PDE1C: variants seen among roughly 807,000 people sequenced by gnomAD.
The protein encoded by PDE1C is dual specificity calcium/calmodulin-dependent 3',5'-cyclic nucleotide phosphodiesterase 1C.
Under a neutral mutation model 93.1 loss-of-function variants are expected in PDE1C, and 62 were observed. The observed-to-expected ratio is 0.67, with a 90% CI of 0.54 to 0.82. The LOEUF (loss-of-function observed/expected upper bound fraction) is 0.82. Ranked by LOEUF, PDE1C falls within the 40% of genes least tolerant of loss-of-function variation. The probability of loss-of-function intolerance (pLI) is 0.00; values close to 1 mark genes in which losing one functional copy is unlikely to be tolerated. For synonymous variants in PDE1C, 325 were observed against 310.1 expected (o/e 1.05, Z -0.50); for missense variants, 742 against 884.6 (o/e 0.84, Z 2.04).
chr7:32,320,903 T>C (rs1233655610), intron 1 of PDE1C, among the ~76,000 whole-genome samples: 1 of 152,186 alleles, frequency 6.6e-6, no homozygotes, highest in Admixed American at 6.5e-5. Flanking sequence ...GTATGTGTCA[T>C]AATCCCCGTT....
At chr7:32,375,123 T>C (rs946238987) in intron 1 of PDE1C, among the ~76,000 whole-genome samples, 1 of 152,176 alleles carries the variant, frequency 6.6e-6, no homozygotes, top group Admixed American at 6.5e-5. Context: ...TAGCAGCCAG[T>C]TGTTACCTCC....
chr7:31,850,107 T>C (rs1213404276), intron 8 of PDE1C, among the ~76,000 whole-genome samples: 3 of 152,030 alleles, frequency 2.0e-5, no homozygotes, highest in Non-Finnish European at 4.4e-5. Flanking sequence ...ACGGTGAAAG[T>C]AGCCTACAGG....
intron 2 of PDE1C, among the ~76,000 whole-genome samples, chr7:31,901,619 A>G (rs1441653443): frequency 1.3e-5 from 2 of 151,282 alleles, no homozygotes; most frequent in African/African-American, 2.4e-5. Context: ...TATATAATTT[A>G]ACATAGAAGG....
At chr7:31,629,687 C>A in the PDE1C span, among the ~76,000 whole-genome samples, 1 of 152,118 alleles carries the variant, frequency 6.6e-6, no homozygotes, top group Non-Finnish European at 1.5e-5. Context: ...AAAAAGCATC[C>A]TCATATTAGA....
chr7:32,142,111 T>C (rs1017657762), intron 3 of PDE1C, among the ~76,000 whole-genome samples: 2 of 151,078 alleles, frequency 1.3e-5, no homozygotes, highest in African/African-American at 4.9e-5. Context: ...AATAGGACAA[T>C]TTTAAATAAA....
At chr7:32,229,243 G>A (rs542827120) in intron 1 of PDE1C, among the ~76,000 whole-genome samples, 2 of 152,292 alleles carry the variant, frequency 1.3e-5, no homozygotes, top group South Asian at 4.1e-4. Context: ...CTTTTACCAG[G>A]TGAGTAAACA....
At chr7:32,033,072 T>C (rs1790550943) in intron 2 of PDE1C, among the ~76,000 whole-genome samples, 1 of 151,794 alleles carries the variant, frequency 6.6e-6, no homozygotes, top group South Asian at 2.1e-4. Flanking sequence ...GCTGACGGAG[T>C]AAGACCTTCC....
intron 3 of PDE1C, among the ~76,000 whole-genome samples, chr7:32,132,995 AAAAT>A (rs1800004608): frequency 6.6e-6 from 1 of 152,196 alleles, no homozygotes; most frequent in South Asian, 2.1e-4. Flanking sequence ...TAAGAGAGAT[AAAAT>A]TTAGGAAAAA....
At chr7:32,150,200 C>A (rs1273619603) in intron 3 of PDE1C, among the ~76,000 whole-genome samples, 1 of 152,234 alleles carries the variant, frequency 6.6e-6, no homozygotes, top group Non-Finnish European at 1.5e-5. Flanking sequence ...GGCAGAGCCA[C>A]TTTGCTCCGG....
intron 12 of PDE1C, among the ~76,000 whole-genome samples, chr7:31,825,757 C>A (rs1398899221): frequency 2.0e-5 from 3 of 152,098 alleles, no homozygotes; most frequent in African/African-American, 7.2e-5. Context: ...GGCACAGATA[C>A]CTGCACAGCA....
chr7:32,154,457 G>C (rs1265505476), intron 3 of PDE1C, among the ~76,000 whole-genome samples: 1 of 152,048 alleles, frequency 6.6e-6, no homozygotes, highest in African/African-American at 2.4e-5. Flanking sequence ...CAAGACTCTA[G>C]TACATTATCC....
chr7:32,204,140 G>A (rs771576178), intron 2 of PDE1C, among the ~76,000 whole-genome samples: 8 of 152,030 alleles, frequency 5.3e-5, no homozygotes, highest in Non-Finnish European at 8.8e-5. Flanking sequence ...AGTCACTAAC[G>A]TGTAGGTAGC....
chr7:31,823,185 T>A lies in PDE1C; in HGVS notation c.1470A>T (p.Gly490=), dbSNP rs778251354. The change falls in exon 14 of 18, where the codon GGA becomes GGT. Residue 490 remains glycine (G), a synonymous_variant. Coordinates refer to ENST00000396191, the MANE Select transcript of PDE1C (RefSeq NM_001191057.4). ...RSGVKTSGSE[G]SAPINNSVIS... ...TGACAGAATTGTTGATCGGGGCACT[T>A]CCCTCTGAACCAGAGGTCTTGACAC... 1 of 1,613,348 alleles carries A rather than the reference T, an allele frequency of 6.2e-7. No individual in the cohort carries two copies. Among genetic ancestry groups the A allele is most frequent in the East Asian group, 2.2e-5 (1 of 44,804 alleles).
At chr7:32,065,515 C>G (rs933754602) in intron 1 of PDE1C, among the ~76,000 whole-genome samples, 2 of 152,190 alleles carry the variant, frequency 1.3e-5, no homozygotes, top group South Asian at 4.1e-4. Context: ...TTCATCACCT[C>G]CAGGTACTCA....
intron 15 of PDE1C, among the ~76,000 whole-genome samples, chr7:31,811,391 G>T (rs1787528859): frequency 6.6e-6 from 1 of 152,172 alleles, no homozygotes; most frequent in Middle Eastern, 3.4e-3. Flanking sequence ...CTAGGTGGAA[G>T]AATTGAGGAG....
the PDE1C span, among the ~76,000 whole-genome samples, chr7:31,673,936 G>C: frequency 6.6e-6 from 1 of 152,126 alleles, no homozygotes; most frequent in Non-Finnish European, 1.5e-5. Context: ...ACATCATCAT[G>C]GGTAGCGAAA....
At chr7:32,229,452 G>A (rs145566029) in intron 1 of PDE1C, among the ~76,000 whole-genome samples, 24 of 152,300 alleles carry the variant, frequency 1.6e-4, no homozygotes, top group Middle Eastern at 3.4e-3. Context: ...CATTTGGGTC[G>A]CATTGATTCT....
the PDE1C span, among the ~76,000 whole-genome samples, chr7:31,647,786 C>T: frequency 6.6e-6 from 1 of 151,652 alleles, no homozygotes; most frequent in African/African-American, 2.4e-5. Flanking sequence ...AGGTAAAGGA[C>T]TTGAAGACTC....
chr7:31,880,719 C>A (rs373584401), intron 3 of PDE1C, 28 bp downstream of exon 3: 7 of 1,349,554 alleles, frequency 5.2e-6, no homozygotes, highest in Non-Finnish European at 7.4e-6. Flanking sequence ...TATCACTATA[C>A]TAATCTCTTT....
Sources: allele counts gnomAD v4.1 joint callset (sites outside exome capture counted in the v4.1 genomes callset), GRCh38; gene constraint gnomAD v4.1.1; transcripts MANE v1.5; gene names NCBI Gene and HGNC (gene_info 2026-07-23, HGNC 2026-07-21).